TRPM3: variants seen among roughly 807,000 people sequenced by gnomAD.
TRPM3 encodes the protein transient receptor potential cation channel subfamily M member 3, also known as long transient receptor potential channel 3.
TRPM3 carries 77 observed loss-of-function variants against 181.2 expected under a neutral mutation model. That is an observed-to-expected ratio of 0.42 (90% CI 0.35 to 0.51). TRPM3 has a LOEUF of 0.51. Among genes scored for constraint, TRPM3 ranks in the 20% least tolerant of loss-of-function variants. The pLI, the probability that TRPM3 is intolerant of heterozygous loss-of-function variation, is 0.01. For synonymous variants in TRPM3, 745 were observed against 796.4 expected, an observed-to-expected ratio of 0.94 and a Z score of 1.09; for missense variants, 1,759 against 2,196.7, an observed-to-expected ratio of 0.80 and a Z score of 3.98.
At chr9:71,080,077 G>A (rs2064029261) in intron 1 of TRPM3, among the ~76,000 whole-genome samples, 1 of 151,918 alleles carries the variant, frequency 6.6e-6, no homozygotes, top group Non-Finnish European at 1.5e-5. Flanking sequence ...GGCTGAGGCA[G>A]GAGAATCGCT....
intron 8 of TRPM3, among the ~76,000 whole-genome samples, chr9:70,693,476 T>C (rs953131097): frequency 3.6e-4 from 54 of 151,756 alleles, no homozygotes; most frequent in African/African-American, 1.3e-3. Context: ...TTTTAGCGCT[T>C]TTTTTTTGAC....
chr9:71,334,001 A>T (rs2132556793), intron 1 of TRPM3, among the ~76,000 whole-genome samples: 1 of 151,986 alleles, frequency 6.6e-6, no homozygotes, highest in East Asian at 1.9e-4. Flanking sequence ...AATAAGGGAA[A>T]TGCCAGAGAT....
intron 1 of TRPM3, among the ~76,000 whole-genome samples, chr9:71,342,462 T>C (rs2091024183): frequency 6.6e-6 from 1 of 151,494 alleles, no homozygotes; most frequent in Non-Finnish European, 1.5e-5. Flanking sequence ...CACAATTGAG[T>C]ATTATACAGC....
chr9:71,328,282 G>A (rs1432352662), intron 1 of TRPM3, among the ~76,000 whole-genome samples: 1 of 152,118 alleles, frequency 6.6e-6, no homozygotes, highest in Non-Finnish European at 1.5e-5. Flanking sequence ...TCCTGCCTCA[G>A]CCTCCGGAGA....
chr9:71,332,304 G>T lies in TRPM3; in HGVS notation c.183+114349C>A, dbSNP rs867195730. On this transcript the variant is annotated intron_variant, in intron 1 of 24. Coordinates refer to the TRPM3 transcript ENST00000357533. Reference sequence around the variant, plus strand: ...TTTGACTAGAAATAATGCTTTTTTTGGATACATCTTTGGCTAAAGTCTGTC... The same window carrying T: ...TTTGACTAGAAATAATGCTTTTTTTTGATACATCTTTGGCTAAAGTCTGTC... 2.6e-4 allele frequency among the ~76,000 whole-genome samples: 39 copies of T among 150,282 alleles called. 2 individuals are homozygous for T. The highest frequency in any genetic ancestry group is 9.3e-4 in the African/African-American group (38 of 40,804).
rs1221317142 is a variant in TRPM3 at position 71,351,195 on chromosome 9, G to T, written c.183+95458C>A. Reference sequence around the variant, plus strand: ...TGGCCCTGTTACTAAACTCACTAGAGCTATAAAGTATTGGGTTATGGAATA... The same window carrying T: ...TGGCCCTGTTACTAAACTCACTAGATCTATAAAGTATTGGGTTATGGAATA... On this transcript the variant is annotated intron_variant, in intron 1 of 24. Coordinates refer to the TRPM3 transcript ENST00000357533. Among the ~76,000 whole-genome samples, 6 of 152,196 alleles carry T rather than the reference G, an allele frequency of 3.9e-5. No homozygotes were observed. The East Asian group carries it at 9.6e-4, about 24-fold the overall frequency.
At chr9:71,271,423 A>G (rs1200723210) in intron 1 of TRPM3, among the ~76,000 whole-genome samples, 1 of 152,136 alleles carries the variant, frequency 6.6e-6, no homozygotes, top group Non-Finnish European at 1.5e-5. Context: ...ATAACTGTTT[A>G]AAGAATGGCT....
chr9:71,355,197 T>C (rs1342015883), intron 1 of TRPM3, among the ~76,000 whole-genome samples: 1 of 152,206 alleles, frequency 6.6e-6, no homozygotes, highest in Admixed American at 6.5e-5. Flanking sequence ...CAAAAAGATA[T>C]GTCCAGGTCC....
intron 1 of TRPM3, among the ~76,000 whole-genome samples, chr9:71,414,841 T>C (rs771659270): frequency 6.6e-6 from 1 of 152,058 alleles, no homozygotes; most frequent in Admixed American, 6.6e-5. Context: ...AAAGACCATA[T>C]GTGCTTTGAG....
intron 8 of TRPM3, among the ~76,000 whole-genome samples, chr9:70,742,196 AT>A (rs1469805438): frequency 2.6e-5 from 4 of 152,148 alleles, no homozygotes; most frequent in Non-Finnish European, 5.9e-5. Flanking sequence ...CAATATCTCA[AT>A]TATATACAAA....
At chr9:71,034,986 T>A (rs1461640894) in intron 1 of TRPM3, among the ~76,000 whole-genome samples, 1 of 152,106 alleles carries the variant, frequency 6.6e-6, no homozygotes, top group Non-Finnish European at 1.5e-5. Context: ...CTACAAAATA[T>A]CTTAACACTG....
intron 1 of TRPM3, among the ~76,000 whole-genome samples, chr9:71,080,354 C>T (rs2064109243): frequency 6.6e-6 from 1 of 151,990 alleles, no homozygotes; most frequent in Non-Finnish European, 1.5e-5. Context: ...TCCGTAAGCT[C>T]CCCAACCCCC....
intron 22 of TRPM3, among the ~76,000 whole-genome samples, chr9:70,557,163 G>A (rs772777905): frequency 2.0e-5 from 3 of 152,188 alleles, no homozygotes; most frequent in Non-Finnish European, 4.4e-5. Context: ...ACAAAGCTTT[G>A]CATTATTGTG....
chr9:70,942,168 A>C (rs553223625), intron 1 of TRPM3, among the ~76,000 whole-genome samples: 13 of 152,350 alleles, frequency 8.5e-5, no homozygotes, highest in African/African-American at 3.1e-4. Flanking sequence ...GGCTTTAAAA[A>C]GTAGAGACAA....
intron 8 of TRPM3, among the ~76,000 whole-genome samples, chr9:70,756,385 T>A (rs1564145273): frequency 6.6e-6 from 1 of 151,984 alleles, no homozygotes; most frequent in Non-Finnish European, 1.5e-5. Flanking sequence ...TCCCACACAA[T>A]AATAGTGGGA....
intron 6 of TRPM3, among the ~76,000 whole-genome samples, chr9:70,816,073 C>A (rs1414182211): frequency 6.6e-6 from 1 of 152,150 alleles, no homozygotes; most frequent in African/African-American, 2.4e-5. Context: ...TATAGAGCTA[C>A]CATTTAGGTT....
rs139858099 is a variant in TRPM3, at chr9:70,632,009, C to T, written c.1632+3202G>A. ...GACTGTGTTCCTAACTCATGAATAG[C>T]GTTTTGTACCAGAGTTAATAACTTA... On this transcript the variant is annotated intron_variant, in intron 12 of 25. Coordinates refer to ENST00000677713, the MANE Select transcript of TRPM3 (RefSeq NM_001366145.2). Among the ~76,000 whole-genome samples, 1,467 of 152,214 alleles carry T rather than the reference C, an allele frequency of 9.6e-3. 22 individuals are homozygous for T. Among genetic ancestry groups the T allele is most frequent in the African/African-American group, 0.034 (1,393 of 41,532 alleles).
At chr9:71,153,702 G>A (rs72731797) in intron 1 of TRPM3, among the ~76,000 whole-genome samples, 8,869 of 152,028 alleles carry the variant, frequency 0.058, 439 homozygotes, top group African/African-American at 0.13. Flanking sequence ...GGTCAGGATC[G>A]TTCTGTCACT....
At chr9:71,305,738 G>C (rs1565444431) in intron 1 of TRPM3, among the ~76,000 whole-genome samples, 2 of 152,138 alleles carry the variant, frequency 1.3e-5, no homozygotes, top group Non-Finnish European at 2.9e-5. Context: ...TGGTAGGAAA[G>C]CGCTAACAGG....
Sources: gnomAD v4.1 joint callset for allele counts (sites outside exome capture counted in the v4.1 genomes callset) on GRCh38, gnomAD v4.1.1 for gene constraint, MANE v1.5 for transcripts, NCBI Gene and HGNC (gene_info 2026-07-23, HGNC 2026-07-21) for gene names.